Variants in CCDC148 observed in about 807,000 individuals in gnomAD.
CCDC148 encodes coiled-coil domain-containing protein 148.
A neutral mutation model predicts 85.7 loss-of-function variants in CCDC148; 89 were observed. The observed-to-expected ratio is 1.04, with a 90% CI of 0.87 to 1.24. The LOEUF is 1.24. Among genes scored for constraint, CCDC148 ranks in the 50% most tolerant of loss-of-function variants. CCDC148 has a pLI of 0.00. For synonymous variants in CCDC148, 230 were observed against 213.9 expected, an observed-to-expected ratio of 1.08 and a Z score of -0.66; for missense variants, 692 against 671.7, an observed-to-expected ratio of 1.03 and a Z score of -0.33.
intron 11 of CCDC148, among the ~76,000 whole-genome samples, chr2:158,188,137 T>A (rs140872322): frequency 7.4e-4 from 113 of 152,030 alleles, no homozygotes; most frequent in African/African-American, 2.5e-3. Flanking sequence ...TTATTTGGGG[T>A]CCACTCCAAT....
chr2:158,265,379 C>T (rs1273182570), intron 9 of CCDC148, among the ~76,000 whole-genome samples: 1 of 152,176 alleles, frequency 6.6e-6, no homozygotes, highest in Admixed American at 6.6e-5. Context: ...TTTAAAATTA[C>T]TTTGTCTCTT....
chr2:158,242,745 G>A (rs1229608772), intron 10 of CCDC148, among the ~76,000 whole-genome samples: 1 of 151,790 alleles, frequency 6.6e-6, no homozygotes, highest in Non-Finnish European at 1.5e-5. Context: ...CTTGGCTCAG[G>A]TCTTAATGAG....
intron 9 of CCDC148, among the ~76,000 whole-genome samples, chr2:158,289,790 A>G (rs982979927): frequency 5.9e-5 from 9 of 152,228 alleles, no homozygotes; most frequent in Admixed American, 1.3e-4. Flanking sequence ...TCTAATAACC[A>G]TGAAGTAGAG....
chr2:158,385,278 A>G (rs533914029), intron 1 of CCDC148, among the ~76,000 whole-genome samples: 1 of 152,302 alleles, frequency 6.6e-6, no homozygotes, highest in Admixed American at 6.5e-5. Flanking sequence ...ATCTCTTGCC[A>G]TATAATGTAA....
Position 158,182,784 on chromosome 2 carries a change from T to C in CCDC148, c.1371-3788A>G, listed in dbSNP as rs369824200. On this transcript the variant is annotated intron_variant, in intron 11 of 13. Transcript: ENST00000283233. ...AAAAAGGAGAAACTCTTGGTGCTTC[T>C]TCTACTCTGGATAGAAAATTTTCTT... 3.9e-4 allele frequency among the ~76,000 whole-genome samples: 59 copies of C among 152,278 alleles called. 1 individual carries two copies. The highest frequency in any genetic ancestry group is 1.4e-3 in the African/African-American group (58 of 41,570).
chr2:158,327,019 A>T (rs967880462), intron 7 of CCDC148, among the ~76,000 whole-genome samples: 4 of 152,328 alleles, frequency 2.6e-5, no homozygotes, highest in Admixed American at 2.0e-4. Flanking sequence ...TCTGCAAAAT[A>T]ATATATTCTG....
At chr2:158,223,301 G>T (rs1036384462) in intron 10 of CCDC148, among the ~76,000 whole-genome samples, 1 of 152,196 alleles carries the variant, frequency 6.6e-6, no homozygotes, top group Non-Finnish European at 1.5e-5. Flanking sequence ...GGCTTGAGTA[G>T]GTAAACAAAG....
At chr2:158,434,885 A>T (rs1477563812) in intron 1 of CCDC148, among the ~76,000 whole-genome samples, 1 of 152,224 alleles carries the variant, frequency 6.6e-6, no homozygotes, top group East Asian at 1.9e-4. Flanking sequence ...CAGTGATTGA[A>T]GATCAAATGA....
intron 2 of CCDC148, among the ~76,000 whole-genome samples, chr2:158,350,834 G>A (rs1211162087): frequency 3.3e-5 from 5 of 151,990 alleles, no homozygotes; most frequent in African/African-American, 9.7e-5. Context: ...TAAAATATAC[G>A]TTAAATCAGG....
At chr2:158,426,356 G>T (rs1451581463) in intron 1 of CCDC148, among the ~76,000 whole-genome samples, 1 of 152,080 alleles carries the variant, frequency 6.6e-6, no homozygotes, top group Non-Finnish European at 1.5e-5. Context: ...CAAATGCCGT[G>T]TGAGTTTAGA....
rs60513273 is a variant in CCDC148 at position 158,221,655 on chromosome 2, C to T, written c.1252-942G>A. Reference sequence around the variant, plus strand: ...GTGAATAGGAAAATCTAAGTGGTTTCCTGACTTGCCCTAGCAACATGGTCT... The same window carrying T: ...GTGAATAGGAAAATCTAAGTGGTTTTCTGACTTGCCCTAGCAACATGGTCT... On this transcript the variant is annotated intron_variant, in intron 10 of 13. Coordinates refer to ENST00000283233, the MANE Select transcript of CCDC148 (RefSeq NM_138803.4). 2.9e-3 allele frequency among the ~76,000 whole-genome samples: 445 copies of T among 152,252 alleles called. 2 individuals carry two copies. The highest frequency in any genetic ancestry group is 9.8e-3 in the African/African-American group (409 of 41,538).
At chr2:158,249,592 T>C (rs930885744) in intron 10 of CCDC148, among the ~76,000 whole-genome samples, 51 of 152,286 alleles carry the variant, frequency 3.3e-4, no homozygotes, top group Middle Eastern at 3.4e-3. Flanking sequence ...AATGATCATA[T>C]AACTTCTATG....
intron 9 of CCDC148, among the ~76,000 whole-genome samples, chr2:158,297,587 C>T (rs1333921312): frequency 6.6e-6 from 1 of 152,148 alleles, no homozygotes; most frequent in East Asian, 1.9e-4. Flanking sequence ...CCCAGACACC[C>T]TCTGTGTCAG....
Position 158,176,577 on chromosome 2 carries a change from CT to C in CCDC148, c.1572del (p.Glu525LysfsTer12), listed in dbSNP as rs765824177. ...ASKARMGIEIEEEFILQKPLF... is the reference protein window; with the variant it reads ...ASKARMGIEIXEEFILQKPLF... ...AGTGGCTTTTGAAGAATAAATTCTT[CT>C]TCAATTTCAATGCCCATTCTAGCTT... On this transcript the variant is annotated frameshift_variant, in exon 13 of 14. Coordinates refer to ENST00000283233, the MANE Select transcript of CCDC148 (RefSeq NM_138803.4). LOFTEE classifies it high-confidence loss of function. The C allele has an allele frequency of 1.3e-5, 21 of 1,612,082 alleles. No homozygotes were observed. The highest frequency in any genetic ancestry group is 1.8e-5 in the Non-Finnish European group (21 of 1,178,912).
At chr2:158,260,313 C>G (rs563628069) in intron 9 of CCDC148, among the ~76,000 whole-genome samples, 1 of 151,720 alleles carries the variant, frequency 6.6e-6, no homozygotes, top group South Asian at 2.1e-4. Context: ...ATTCAACATC[C>G]CTTCAGGTTA....
rs1683776892 is a variant in CCDC148 at position 158,358,542 on chromosome 2, C to G, written c.54G>C (p.Glu18Asp). ...PDNLVFHMKN[E>D]MRNIKYKPVD... ...CTGGTTTGTACTTGATGTTTCTCAT[C>G]TCATTTTTCATATGGAATACCAGAT... The change falls in exon 2 of 14, where the codon GAG (glutamate) becomes GAC (aspartate). Residue 18 changes from glutamate to aspartate, a missense_variant. By Grantham distance (45) the Glu-to-Asp change is conservative (BLOSUM62 2). Coordinates refer to ENST00000283233, the MANE Select transcript of CCDC148 (RefSeq NM_138803.4). The G allele has an allele frequency of 6.3e-7, 1 of 1,590,002 alleles. No individual in the cohort carries two copies. The highest frequency in any genetic ancestry group is 1.1e-5 in the South Asian group (1 of 87,542).
intron 10 of CCDC148, among the ~76,000 whole-genome samples, chr2:158,225,577 T>A (rs539088115): frequency 1.3e-5 from 2 of 152,154 alleles, no homozygotes; most frequent in African/African-American, 4.8e-5. Flanking sequence ...TCAGCAAATG[T>A]AAAAGAATAG....
intron 11 of CCDC148, among the ~76,000 whole-genome samples, chr2:158,191,739 C>A (rs1685433464): frequency 6.6e-6 from 1 of 151,994 alleles, no homozygotes; most frequent in South Asian, 2.1e-4. Flanking sequence ...CCTACCTTAG[C>A]AGTTTCCGTT....
chr2:158,329,516 C>A (rs1692979920), intron 7 of CCDC148, among the ~76,000 whole-genome samples: 1 of 151,790 alleles, frequency 6.6e-6, no homozygotes, highest in Non-Finnish European at 1.5e-5. Flanking sequence ...TCCATATGAA[C>A]TTTAAAGTAG....
Sources: allele counts gnomAD v4.1 joint callset (sites outside exome capture counted in the v4.1 genomes callset), GRCh38; gene constraint gnomAD v4.1.1; transcripts MANE v1.5; gene names NCBI Gene and HGNC (gene_info 2026-07-23, HGNC 2026-07-21).